The following MACROD2 variants were observed in gnomAD, a reference collection of about 807,000 sequenced individuals.
The protein encoded by MACROD2 is ADP-ribose glycohydrolase MACROD2.
A neutral mutation model predicts 70.4 loss-of-function variants in MACROD2; 36 were observed. The ratio of observed to expected loss-of-function variants is 0.51; its 90% CI spans 0.39 to 0.68. The LOEUF (loss-of-function observed/expected upper bound fraction) is 0.68. Ranked by LOEUF, MACROD2 falls within the 30% of genes least tolerant of loss-of-function variation. The probability of loss-of-function intolerance (pLI) is 0.00; values close to 1 mark genes in which losing one functional copy is unlikely to be tolerated. For missense variants in MACROD2, 496 were observed against 538.4 expected (o/e 0.92, Z 0.78); for synonymous variants, 172 against 178.8 (o/e 0.96, Z 0.30).
rs149437475 is a variant in MACROD2, at chr20:14,476,458, C to T, written c.272-17021C>T. ...GCAACCTCTGCTTCCCAGGCTCAAG[C>T]GATTCTCATGCCTTAGCCTCCCTAG... On this transcript the variant is annotated intron_variant, in intron 3 of 17. Transcript: ENST00000684519. Among the ~76,000 whole-genome samples the T allele has an allele frequency of 5.3e-5, 8 of 152,228 alleles. No individual in the cohort carries two copies. In the East Asian group the frequency reaches 1.4e-3, roughly 26 times the overall value.
At chr20:14,438,517 A>G (rs1295920880) in intron 3 of MACROD2, among the ~76,000 whole-genome samples, 1 of 152,156 alleles carries the variant, frequency 6.6e-6, no homozygotes, top group Non-Finnish European at 1.5e-5. Flanking sequence ...GTAGCAATTT[A>G]CATTCCCACC....
intron 5 of MACROD2, among the ~76,000 whole-genome samples, chr20:14,890,758 GA>G (rs200756372): frequency 0.35 from 47,126 of 135,828 alleles, 7,756 homozygotes; most frequent in Middle Eastern, 0.36. Context: ...TCCAAAAACA[GA>G]AAAAAAAAAA....
chr20:14,594,566 T>G (rs1198274412), intron 4 of MACROD2, among the ~76,000 whole-genome samples: 1 of 152,180 alleles, frequency 6.6e-6, no homozygotes, highest in African/African-American at 2.4e-5. Context: ...AATAAATACA[T>G]ATGCAATATA....
intron 5 of MACROD2, among the ~76,000 whole-genome samples, chr20:15,025,217 TA>T (rs1230644007): frequency 1.3e-5 from 2 of 152,096 alleles, no homozygotes; most frequent in Non-Finnish European, 1.5e-5. Context: ...TTATAATTTT[TA>T]TTGTATATCA....
chr20:14,721,437 G>T (rs1242854095), intron 5 of MACROD2, among the ~76,000 whole-genome samples: 2 of 151,968 alleles, frequency 1.3e-5, no homozygotes, highest in Non-Finnish European at 2.9e-5. Flanking sequence ...AACTCAAGGA[G>T]TTAATTTACA....
chr20:15,774,407 T>G lies in MACROD2; in HGVS notation c.646-88338T>G, dbSNP rs73614454. 1.0e-3 allele frequency among the ~76,000 whole-genome samples: 156 copies of G among 152,280 alleles called. 1 individual carries two copies. The East Asian group carries it at 0.013, about 13-fold the overall frequency. ...TTTATTTTCCTTTTTATACTGTGCT[T>G]TTTAGAGTTTTCCTGGTCTCTTTTA... is the stretch of plus-strand genomic sequence containing the variant. On this transcript the variant is annotated intron_variant, in intron 8 of 17. Coordinates refer to ENST00000684519, the MANE Select transcript of MACROD2 (RefSeq NM_001351661.2).
intron 12 of MACROD2, among the ~76,000 whole-genome samples, chr20:15,966,965 T>A (rs1336313576): frequency 6.6e-6 from 1 of 152,104 alleles, no homozygotes; most frequent in Non-Finnish European, 1.5e-5. Flanking sequence ...AACCATATCC[T>A]ATAACAAAAA....
At chr20:15,044,995 AAC>A (rs1210218667) in intron 5 of MACROD2, among the ~76,000 whole-genome samples, 2 of 152,184 alleles carry the variant, frequency 1.3e-5, no homozygotes, top group Non-Finnish European at 2.9e-5. Flanking sequence ...TTTTCTACAA[AAC>A]AGTCATATGT....
intron 4 of MACROD2, among the ~76,000 whole-genome samples, chr20:14,544,412 T>C (rs1026349831): frequency 1.3e-5 from 2 of 152,150 alleles, no homozygotes; most frequent in African/African-American, 4.8e-5. Flanking sequence ...CAGCAACTTA[T>C]TTAAATCTCC....
At chr20:15,696,560 G>T (rs2050374646) in intron 8 of MACROD2, among the ~76,000 whole-genome samples, 1 of 151,934 alleles carries the variant, frequency 6.6e-6, no homozygotes, top group African/African-American at 2.4e-5. Context: ...TGGCTTCATA[G>T]AATGAATTAG....
chr20:15,261,974 G>A (rs2077253242), intron 6 of MACROD2, among the ~76,000 whole-genome samples: 1 of 151,762 alleles, frequency 6.6e-6, no homozygotes, highest in Admixed American at 6.6e-5. Context: ...TTTGAAACAG[G>A]CATACAATGT....
chr20:16,049,389 T>C (rs2067427438), intron 17 of MACROD2, among the ~76,000 whole-genome samples: 1 of 152,146 alleles, frequency 6.6e-6, no homozygotes, highest in South Asian at 2.1e-4. Context: ...ATAAGGCAGA[T>C]AATTTAATAA....
At chr20:15,845,735 A>G (rs1331115234) in intron 8 of MACROD2, among the ~76,000 whole-genome samples, 13 of 152,204 alleles carry the variant, frequency 8.5e-5, no homozygotes, top group Admixed American at 8.5e-4. Context: ...TATTTTCAAC[A>G]GTTGCTATGT....
intron 3 of MACROD2, among the ~76,000 whole-genome samples, chr20:14,298,177 G>C (rs967443750): frequency 6.6e-6 from 1 of 151,930 alleles, no homozygotes; most frequent in African/African-American, 2.4e-5. Flanking sequence ...TGATGGAGAT[G>C]TGCGAGAAGA....
chr20:15,835,310 A>G (rs971529029), intron 8 of MACROD2, among the ~76,000 whole-genome samples: 1 of 152,156 alleles, frequency 6.6e-6, no homozygotes, highest in African/African-American at 2.4e-5. Context: ...TACATAATTA[A>G]TACAAATTTC....
chr20:14,361,773 C>G (rs1200703794), intron 3 of MACROD2, among the ~76,000 whole-genome samples: 1 of 152,122 alleles, frequency 6.6e-6, no homozygotes, highest in African/African-American at 2.4e-5. Flanking sequence ...ATGCCAAAAA[C>G]AAGCCAATAG....
intron 2 of MACROD2, among the ~76,000 whole-genome samples, chr20:14,051,538 C>T (rs1271795207): frequency 6.6e-6 from 1 of 152,020 alleles, no homozygotes; most frequent in Non-Finnish European, 1.5e-5. Flanking sequence ...CCTTATTGCA[C>T]ATAGATTTTG....
chr20:14,831,218 T>C lies in MACROD2; in HGVS notation c.418+146259T>C, dbSNP rs185963047. On this transcript the variant is annotated intron_variant, in intron 5 of 17. Transcript: ENST00000684519. ...TATATTTGTTGAATAAGTTAATTAC[T>C]CTGGATTCCTACCTGTGGCGCAGTG... Among the ~76,000 whole-genome samples, 473 of 152,188 alleles carry C rather than the reference T, an allele frequency of 3.1e-3. 2 individuals are homozygous for C. Among genetic ancestry groups the C allele is most frequent in the Admixed American group, 5.5e-3 (84 of 15,286 alleles).
chr20:15,652,508 T>C (rs1346469598), intron 8 of MACROD2, among the ~76,000 whole-genome samples: 1 of 152,202 alleles, frequency 6.6e-6, no homozygotes, highest in Non-Finnish European at 1.5e-5. Context: ...TTCTAAGAAG[T>C]GGCTGCTGTG....
Sources: gnomAD v4.1 joint callset for allele counts (sites outside exome capture counted in the v4.1 genomes callset) on GRCh38, gnomAD v4.1.1 for gene constraint, MANE v1.5 for transcripts, NCBI Gene and HGNC (gene_info 2026-07-23, HGNC 2026-07-21) for gene names.